The following NXPE2 variants were observed in gnomAD, a reference collection of about 807,000 sequenced individuals.
NXPE2 encodes the protein NXPE family member 2.
NXPE2 carries 34 observed loss-of-function variants against 34.4 expected under a neutral mutation model. That is an observed-to-expected ratio of 0.99 (90% CI 0.75 to 1.31). The LOEUF is 1.31. Among genes scored for constraint, NXPE2 ranks in the 40% most tolerant of loss-of-function variants. The pLI is 0.00. For synonymous variants in NXPE2, 235 were observed against 231.3 expected, an observed-to-expected ratio of 1.02 and a Z score of -0.15; for missense variants, 649 against 672.5, an observed-to-expected ratio of 0.97 and a Z score of 0.39.
chr11:114,651,508 C>T, the NXPE2 span, among the ~76,000 whole-genome samples: 1 of 152,160 alleles, frequency 6.6e-6, no homozygotes, highest in Non-Finnish European at 1.5e-5. Flanking sequence ...AAAGAACAAA[C>T]CTGCCACAGC....
the NXPE2 span, among the ~76,000 whole-genome samples, chr11:114,800,494 G>C: frequency 6.6e-6 from 1 of 152,136 alleles, no homozygotes; most frequent in African/African-American, 2.4e-5. Flanking sequence ...AGTGCCTTTT[G>C]AGTCGTATTT....
At chr11:114,520,832 C>T in the NXPE2 span, among the ~76,000 whole-genome samples, 172 of 152,254 alleles carry the variant, frequency 1.1e-3, no homozygotes, top group Middle Eastern at 0.014. Flanking sequence ...TTACAGATCT[C>T]GCTCCTTCAT....
At chr11:114,503,821 A>G in the NXPE2 span, among the ~76,000 whole-genome samples, 1 of 152,222 alleles carries the variant, frequency 6.6e-6, no homozygotes, top group Admixed American at 6.5e-5. Flanking sequence ...CAATAAATGA[A>G]AAAGTCCCTA....
chr11:114,760,371 G>A, the NXPE2 span, among the ~76,000 whole-genome samples: 2 of 152,116 alleles, frequency 1.3e-5, no homozygotes, highest in East Asian at 1.9e-4. Context: ...TCCAGAACCG[G>A]GAGAAATAAA....
At chr11:114,787,822 A>G in the NXPE2 span, among the ~76,000 whole-genome samples, 1 of 152,110 alleles carries the variant, frequency 6.6e-6, no homozygotes, top group Non-Finnish European at 1.5e-5. Context: ...AACTCTGCCC[A>G]TCCCTCTGCC....
At position 114,705,688 on chromosome 11, in the gene NXPE2, A is replaced by T. The variant is rs1951458665; in HGVS notation, c.929-93A>T. The T allele has an allele frequency of 2.9e-6, 2 of 696,610 alleles. 1 individual carries two copies. Among genetic ancestry groups the T allele is most frequent in the South Asian group, 5.4e-5 (2 of 37,320 alleles). The allele number at this position is 696,610 out of a possible 1,614,324, so 43.2% of individuals were successfully genotyped here. A position where few individuals can be genotyped will look rare whatever the true frequency, so the allele number is the denominator to read the frequency against. ...ATAGAGCTGAAGAGAAAGGGGGAGG[A>T]AAAAGAGGAAAAGGAAGGCAAAAAT... On this transcript the variant is annotated intron_variant, in intron 4 of 5. Coordinates refer to ENST00000389586, the MANE Select transcript of NXPE2 (RefSeq NM_182495.6).
At chr11:114,583,487 A>G in the NXPE2 span, 1 of 636,402 alleles carries the variant, frequency 1.6e-6, no homozygotes, top group Non-Finnish European at 3.0e-6. Flanking sequence ...CTTGTGCTCC[A>G]TCTATCCAGA....
At chr11:114,544,589 C>T in the NXPE2 span, among the ~76,000 whole-genome samples, 1 of 152,102 alleles carries the variant, frequency 6.6e-6, no homozygotes, top group African/African-American at 2.4e-5. Flanking sequence ...AAATGGATGA[C>T]AGACCTAAAT....
At chr11:114,805,282 T>G in the NXPE2 span, among the ~76,000 whole-genome samples, 1 of 152,108 alleles carries the variant, frequency 6.6e-6, no homozygotes. Flanking sequence ...ATGGGTGATT[T>G]CTGCATTTCC....
the NXPE2 span, among the ~76,000 whole-genome samples, chr11:114,783,037 A>G: frequency 1.4e-3 from 214 of 152,326 alleles, no homozygotes; most frequent in African/African-American, 4.8e-3. Context: ...CAATTAAGAT[A>G]GCACGGGGCT....
the NXPE2 span, among the ~76,000 whole-genome samples, chr11:114,791,980 C>A: frequency 6.6e-6 from 1 of 152,148 alleles, no homozygotes; most frequent in Admixed American, 6.5e-5. Context: ...ATGTCATGAA[C>A]CCGGGAGGCG....
At chr11:114,709,908 C>CA (rs906470876), downstream of NXPE2, among the ~76,000 whole-genome samples, 10 of 136,646 alleles carry the variant, frequency 7.3e-5, no homozygotes, top group African/African-American at 2.7e-4. Context: ...TCTCAAAAAA[C>CA]AAAAAAGAAA....
the NXPE2 span, chr11:114,523,095 G>A: frequency 2.5e-6 from 4 of 1,603,940 alleles, no homozygotes; most frequent in South Asian, 3.3e-5. Context: ...TCTCTCTCTG[G>A]TAACAAAGAC....
chr11:114,499,979 G>T, the NXPE2 span, among the ~76,000 whole-genome samples: 1 of 151,382 alleles, frequency 6.6e-6, no homozygotes. Context: ...TTGCTGAGTA[G>T]CATTCCATGG....
the NXPE2 span, among the ~76,000 whole-genome samples, chr11:114,464,575 A>G: frequency 6.6e-6 from 1 of 152,218 alleles, no homozygotes; most frequent in African/African-American, 2.4e-5. Context: ...ACCAGCAGAT[A>G]TCAGTTAAAA....
At chr11:114,754,083 A>T in the NXPE2 span, among the ~76,000 whole-genome samples, 1 of 152,294 alleles carries the variant, frequency 6.6e-6, no homozygotes, top group African/African-American at 2.4e-5. Flanking sequence ...GATAATGATG[A>T]TTATGGTACT....
chr11:114,760,588 G>A, the NXPE2 span, among the ~76,000 whole-genome samples: 40 of 152,258 alleles, frequency 2.6e-4, no homozygotes, highest in East Asian at 6.6e-3. Context: ...CAAGACAAAG[G>A]GAGAGTCTGT....
intron 3 of NXPE2, among the ~76,000 whole-genome samples, chr11:114,699,771 G>A (rs1273503298): frequency 6.7e-6 from 1 of 149,068 alleles, no homozygotes; most frequent in Non-Finnish European, 1.5e-5. Context: ...AGCATTAAGT[G>A]TTAACTACTT....
chr11:114,713,492 G>A, the NXPE2 span, among the ~76,000 whole-genome samples: 1,402 of 152,286 alleles, frequency 9.2e-3, 20 homozygotes, highest in African/African-American at 0.031. Flanking sequence ...ATTCACTCAT[G>A]CTCAAGCCCC....
Sources: gnomAD v4.1 joint callset for allele counts (sites outside exome capture counted in the v4.1 genomes callset) on GRCh38, gnomAD v4.1.1 for gene constraint, MANE v1.5 for transcripts, NCBI Gene and HGNC (gene_info 2026-07-23, HGNC 2026-07-21) for gene names.